The following EXOC6B variants were observed in gnomAD, a reference collection of about 807,000 sequenced individuals.
EXOC6B encodes the protein exocyst complex component 6B.
A neutral mutation model predicts 113.5 loss-of-function variants in EXOC6B; 54 were observed. The ratio of observed to expected loss-of-function variants is 0.48; its 90% confidence interval spans 0.38 to 0.60. EXOC6B has a LOEUF of 0.60. Among genes scored for constraint, EXOC6B ranks in the 20% least tolerant of loss-of-function variants. EXOC6B has a pLI of 0.00. For missense variants in EXOC6B, 797 were observed against 977.5 expected, an observed-to-expected ratio of 0.82 and a Z score of 2.46; for synonymous variants, 357 against 339.0, an observed-to-expected ratio of 1.05 and a Z score of -0.58.
At chr2:72,588,399 A>T (rs1705718582) in intron 6 of EXOC6B, among the ~76,000 whole-genome samples, 1 of 152,144 alleles carries the variant, frequency 6.6e-6, no homozygotes, top group Admixed American at 6.5e-5. Flanking sequence ...CCTTAAGGAC[A>T]TTATGCTAAG....
At chr2:72,407,059 A>G (rs1693826817) in intron 18 of EXOC6B, among the ~76,000 whole-genome samples, 1 of 152,208 alleles carries the variant, frequency 6.6e-6, no homozygotes, top group Non-Finnish European at 1.5e-5. Flanking sequence ...CAGAAATACA[A>G]ACTACCATCA....
At chr2:72,579,907 A>G (rs1382362584) in intron 6 of EXOC6B, among the ~76,000 whole-genome samples, 1 of 152,090 alleles carries the variant, frequency 6.6e-6, no homozygotes, top group African/African-American at 2.4e-5. Context: ...TCTTGGAGAA[A>G]GATAGGTCTT....
chr2:72,791,454 G>C (rs1684670469), intron 1 of EXOC6B, among the ~76,000 whole-genome samples: 1 of 152,218 alleles, frequency 6.6e-6, no homozygotes, highest in Non-Finnish European at 1.5e-5. Flanking sequence ...GTTGAACTGG[G>C]AGGATGGCTT....
intron 20 of EXOC6B, among the ~76,000 whole-genome samples, chr2:72,307,161 G>GTTTTTGTTTTTT (rs758906963): frequency 7.8e-6 from 1 of 128,514 alleles, no homozygotes; most frequent in Non-Finnish European, 1.6e-5. Flanking sequence ...GTATAGTCCA[G>GTTTTTGTTTTTT]TTTTTTTTTT....
intron 20 of EXOC6B, among the ~76,000 whole-genome samples, chr2:72,328,730 C>A (rs922482224): frequency 6.6e-6 from 1 of 152,118 alleles, no homozygotes; most frequent in Non-Finnish European, 1.5e-5. Flanking sequence ...AATACTATAT[C>A]TTCTTCTAAC....
At chr2:72,194,569 T>TTC (rs141826011) in intron 20 of EXOC6B, among the ~76,000 whole-genome samples, 18,441 of 143,794 alleles carry the variant, frequency 0.13, 1,214 homozygotes, top group Non-Finnish European at 0.16. Flanking sequence ...GGTGAATGAT[T>TTC]TCTCTCTCTC....
intron 18 of EXOC6B, chr2:72,463,888 A>G (rs1300241941): frequency 6.6e-6 from 1 of 152,188 alleles, no homozygotes; most frequent in East Asian, 1.9e-4. Context: ...GTATCAGCAG[A>G]TTCGGTGTCT....
At chr2:72,527,592 A>T (rs1219797747) in intron 8 of EXOC6B, among the ~76,000 whole-genome samples, 4 of 151,994 alleles carry the variant, frequency 2.6e-5, no homozygotes, top group African/African-American at 9.7e-5. Flanking sequence ...CTAGGAGTGC[A>T]ACTGCAAGGT....
intron 18 of EXOC6B, among the ~76,000 whole-genome samples, chr2:72,401,733 G>A (rs1390243133): frequency 3.0e-5 from 4 of 133,244 alleles, no homozygotes; most frequent in Non-Finnish European, 6.3e-5. Flanking sequence ...GATGGAACTA[G>A]GGTCCATTAT....
intron 7 of EXOC6B, among the ~76,000 whole-genome samples, chr2:72,567,660 G>A (rs1484859239): frequency 4.6e-5 from 7 of 152,040 alleles, no homozygotes; most frequent in African/African-American, 1.7e-4. Flanking sequence ...CAGGGCTAGG[G>A]CAGAACCTGG....
intron 5 of EXOC6B, among the ~76,000 whole-genome samples, chr2:72,719,675 C>T (rs1004558059): frequency 2.0e-5 from 3 of 152,178 alleles, no homozygotes; most frequent in African/African-American, 4.8e-5. Flanking sequence ...AACCTCTAAC[C>T]AATCATTAGC....
rs556592326 is a variant in EXOC6B at position 72,216,972 on chromosome 2, C to T, written c.2197-32785G>A. Among the ~76,000 whole-genome samples, 62 of 143,196 alleles carry T rather than the reference C, an allele frequency of 4.3e-4. 1 individual carries two copies. The highest frequency in any genetic ancestry group is 1.5e-3 in the African/African-American group (58 of 38,114). The allele number at this position is 143,196 out of a possible 152,430, so 93.9% of individuals were successfully genotyped here. ...AGGAGAATTGCTTGAACCTGGGAGGCGGAGGTTGCAGTGAGCCGAGATCAC... is the reference window on the plus strand; with the variant it reads ...AGGAGAATTGCTTGAACCTGGGAGGTGGAGGTTGCAGTGAGCCGAGATCAC... On this transcript the variant is annotated intron_variant, in intron 20 of 21. Transcript: ENST00000272427.
At chr2:72,770,714 C>T (rs996861985) in intron 1 of EXOC6B, among the ~76,000 whole-genome samples, 1 of 152,010 alleles carries the variant, frequency 6.6e-6, no homozygotes, top group Non-Finnish European at 1.5e-5. Flanking sequence ...TAAGATAATA[C>T]TATTCCCTGA....
At position 72,176,487 on chromosome 2, in the gene EXOC6B, G is replaced by A. The variant is rs1168606661; in HGVS notation, c.*2848C>T. 6.6e-6 allele frequency: 1 copy of A among 152,190 alleles called. No homozygotes were observed. Among genetic ancestry groups the A allele is most frequent in the Non-Finnish European group, 1.5e-5 (1 of 68,048 alleles). The allele number at this position is 152,190 out of a possible 1,614,324, so 9.4% of individuals were successfully genotyped here. A position where few individuals can be genotyped will look rare whatever the true frequency, so the allele number is the denominator to read the frequency against. On this transcript the variant is annotated 3_prime_UTR_variant, in exon 22 of 22. Transcript: ENST00000272427. Reference sequence around the variant, plus strand: ...TAAGCACTTGTCAAGTGTACAGTAAGGCTAGACTGACTTGGAGGACTGGTA... The same window carrying A: ...TAAGCACTTGTCAAGTGTACAGTAAAGCTAGACTGACTTGGAGGACTGGTA...
At chr2:72,533,976 A>G (rs1316012723) in intron 8 of EXOC6B, among the ~76,000 whole-genome samples, 3 of 152,204 alleles carry the variant, frequency 2.0e-5, no homozygotes, top group African/African-American at 7.2e-5. Flanking sequence ...TCCACTGAGC[A>G]GATAAATTAA....
intron 11 of EXOC6B, among the ~76,000 whole-genome samples, chr2:72,502,697 C>A (rs2105604883): frequency 6.6e-6 from 1 of 152,268 alleles, no homozygotes; most frequent in Non-Finnish European, 1.5e-5. Flanking sequence ...GTTTGACACT[C>A]AATGTATCCT....
intron 6 of EXOC6B, among the ~76,000 whole-genome samples, chr2:72,706,965 C>G (rs1320347171): frequency 1.3e-5 from 2 of 152,146 alleles, no homozygotes; most frequent in African/African-American, 4.8e-5. Context: ...TGTAAGCACT[C>G]AAGTCAGCAA....
At chr2:72,668,902 T>G (rs1245934372) in intron 6 of EXOC6B, among the ~76,000 whole-genome samples, 2 of 152,112 alleles carry the variant, frequency 1.3e-5, no homozygotes, top group Non-Finnish European at 2.9e-5. Flanking sequence ...CCTCCACATG[T>G]ACCCCCTAAT....
At chr2:72,275,059 C>A (rs1436930319) in intron 20 of EXOC6B, among the ~76,000 whole-genome samples, 3 of 152,086 alleles carry the variant, frequency 2.0e-5, no homozygotes, top group Non-Finnish European at 4.4e-5. Flanking sequence ...GAGTGACTGT[C>A]AAATAAATCG....
Sources: allele counts gnomAD v4.1 joint callset (sites outside exome capture counted in the v4.1 genomes callset), GRCh38; gene constraint gnomAD v4.1.1; transcripts MANE v1.5; gene names NCBI Gene and HGNC (gene_info 2026-07-23, HGNC 2026-07-21).